RAB2A: variants seen among roughly 807,000 people sequenced by gnomAD.
RAB2A encodes RAB2A, member RAS oncogene family.
Under a neutral mutation model 32.5 loss-of-function variants are expected in RAB2A, and 7 were observed. The observed-to-expected ratio is 0.22, with a 90% CI of 0.12 to 0.40. The LOEUF is 0.40. RAB2A is among the 10% of genes least tolerant of loss of function. RAB2A has a pLI of 1.00. For missense variants in RAB2A, 108 were observed against 260.7 expected, an observed-to-expected ratio of 0.41 and a Z score of 4.03; for synonymous variants, 79 against 85.2, an observed-to-expected ratio of 0.93 and a Z score of 0.40.
At chr8:60,526,488 C>T (rs1374725195) in intron 1 of RAB2A, among the ~76,000 whole-genome samples, 1 of 152,162 alleles carries the variant, frequency 6.6e-6, no homozygotes, top group African/African-American at 2.4e-5. Context: ...TTAGATTGGG[C>T]TTACCTGGAT....
intron 6 of RAB2A, among the ~76,000 whole-genome samples, chr8:60,610,838 T>C (rs1249483647): frequency 1.3e-5 from 2 of 152,208 alleles, no homozygotes; most frequent in Non-Finnish European, 2.9e-5. Context: ...ATCTGTAGCT[T>C]ATATTCCCAT....
rs79449644 is a variant in RAB2A at position 60,519,513 on chromosome 8, A to G, written c.46+2260A>G. Among the ~76,000 whole-genome samples, 1,160 of 152,198 alleles carry G rather than the reference A, an allele frequency of 7.6e-3. 14 individuals carry two copies. The highest frequency in any genetic ancestry group is 0.025 in the African/African-American group (1,058 of 41,514). The stretch of plus-strand genomic sequence containing the variant: ...ATGCCTTCACAGTCAACATATATTA[A>G]GCTCTTATTGTGTGAAGATTTTCAC... On this transcript the variant is annotated intron_variant, in intron 1 of 7. Transcript: ENST00000262646.
intron 1 of RAB2A, among the ~76,000 whole-genome samples, chr8:60,544,061 C>CAA (rs532347157): frequency 3.2e-5 from 3 of 93,728 alleles, no homozygotes; most frequent in Non-Finnish European, 4.4e-5. Flanking sequence ...GACTCCGTCT[C>CAA]AAAAAAAAAA....
At chr8:60,605,137 G>T (rs950722207) in intron 6 of RAB2A, among the ~76,000 whole-genome samples, 2 of 152,202 alleles carry the variant, frequency 1.3e-5, no homozygotes, top group Admixed American at 1.3e-4. Flanking sequence ...TCCAGCTGTA[G>T]CTCAAAGGGG....
chr8:60,576,872 T>C (rs1803642192), intron 3 of RAB2A, among the ~76,000 whole-genome samples: 1 of 152,134 alleles, frequency 6.6e-6, no homozygotes, highest in Non-Finnish European at 1.5e-5. Context: ...CCAACTGTTC[T>C]TCCTCCTTAG....
At chr8:60,597,415 G>A (rs568416100) in intron 6 of RAB2A, among the ~76,000 whole-genome samples, 17 of 152,190 alleles carry the variant, frequency 1.1e-4, no homozygotes, top group South Asian at 2.1e-4. Flanking sequence ...GACACAGGGC[G>A]GGTAACATCA....
intron 1 of RAB2A, among the ~76,000 whole-genome samples, chr8:60,532,738 G>A (rs994401599): frequency 1.3e-5 from 2 of 152,130 alleles, no homozygotes; most frequent in African/African-American, 2.4e-5. Flanking sequence ...TCAAATTCCC[G>A]GGCTCAAGCA....
At chr8:60,576,362 C>G in intron 3 of RAB2A, 1 of 433,756 alleles carries the variant, frequency 2.3e-6, no homozygotes, top group Non-Finnish European at 4.6e-6. Flanking sequence ...TTCTTTTTCT[C>G]TTACTTTTTC....
intron 1 of RAB2A, among the ~76,000 whole-genome samples, chr8:60,544,856 AT>A (rs1807703459): frequency 6.6e-6 from 1 of 151,776 alleles, no homozygotes. Context: ...GGCAGACTTT[AT>A]TTTTTCATGT....
intron 6 of RAB2A, 28 bp downstream of exon 6, chr8:60,591,997 A>G (rs375296362): frequency 1.8e-5 from 23 of 1,295,198 alleles, no homozygotes; most frequent in Non-Finnish European, 2.5e-5. Flanking sequence ...TAAAATCTTC[A>G]TCTTTATACT....
chr8:60,548,992 A>C (rs1807797911), intron 1 of RAB2A, among the ~76,000 whole-genome samples: 1 of 136,958 alleles, frequency 7.3e-6, no homozygotes, highest in African/African-American at 2.8e-5. Context: ...CGCTCCTCAC[A>C]TCCCGGACGG....
At chr8:60,531,690 C>T (rs1172541279) in intron 1 of RAB2A, among the ~76,000 whole-genome samples, 2 of 151,914 alleles carry the variant, frequency 1.3e-5, no homozygotes, top group Non-Finnish European at 2.9e-5. Context: ...TTTTCCATCT[C>T]AGATGTCTTC....
At chr8:60,551,718 A>C (rs1238315585) in intron 1 of RAB2A, among the ~76,000 whole-genome samples, 1 of 152,136 alleles carries the variant, frequency 6.6e-6, no homozygotes, top group African/African-American at 2.4e-5. Flanking sequence ...TTTTAGAGAC[A>C]GGGTCTTGCT....
intron 6 of RAB2A, among the ~76,000 whole-genome samples, chr8:60,616,785 C>G (rs1804456353): frequency 6.6e-6 from 1 of 152,190 alleles, no homozygotes; most frequent in African/African-American, 2.4e-5. Flanking sequence ...CGCAGACGTT[C>G]AGATCTCCTT....
intron 5 of RAB2A, among the ~76,000 whole-genome samples, chr8:60,588,943 T>C (rs1264934993): frequency 1.3e-5 from 2 of 152,234 alleles, no homozygotes; most frequent in Non-Finnish European, 2.9e-5. Flanking sequence ...TGTTTACTTC[T>C]TTGTGTAGAG....
chr8:60,561,568 C>T (rs1053520865), intron 2 of RAB2A, among the ~76,000 whole-genome samples: 2 of 152,102 alleles, frequency 1.3e-5, no homozygotes, highest in African/African-American at 4.8e-5. Context: ...CCCTGTTGAC[C>T]ATTGTTTTTG....
At chr8:60,568,356 C>G (rs1023838275) in intron 2 of RAB2A, among the ~76,000 whole-genome samples, 2 of 129,670 alleles carry the variant, frequency 1.5e-5, no homozygotes, top group Non-Finnish European at 3.4e-5. Context: ...ACAGATGGCT[C>G]TTTCTCACAG....
intron 6 of RAB2A, among the ~76,000 whole-genome samples, chr8:60,610,139 A>G (rs2150436682): frequency 6.6e-6 from 1 of 152,132 alleles, no homozygotes; most frequent in Non-Finnish European, 1.5e-5. Flanking sequence ...CCTTATGCTT[A>G]TGCTGCTGAA....
Position 60,517,158 on chromosome 8 carries a change from G to T in RAB2A, c.-50G>T. ...ACCGGGGTTGGGGCGCGGAGGAGGA[G>T]CAGCAGCGGGAGGAGGAGCCGTGTG... is the stretch of plus-strand genomic sequence containing the variant. On this transcript the variant is annotated 5_prime_UTR_variant, in exon 1 of 8. Coordinates refer to ENST00000262646, the MANE Select transcript of RAB2A (RefSeq NM_002865.3). 6.8e-7 allele frequency: 1 copy of T among 1,465,938 alleles called. No homozygotes were observed. Among genetic ancestry groups the T allele is most frequent in the African/African-American group, 1.5e-5 (1 of 67,998 alleles). 90.8% of individuals were successfully genotyped at this position (1,465,938 alleles called of 1,614,324 possible). A position where few individuals can be genotyped will look rare whatever the true frequency, so the allele number is the denominator to read the frequency against.
Sources: gnomAD v4.1 joint callset for allele counts (sites outside exome capture counted in the v4.1 genomes callset) on GRCh38, gnomAD v4.1.1 for gene constraint, MANE v1.5 for transcripts, NCBI Gene and HGNC (gene_info 2026-07-23, HGNC 2026-07-21) for gene names.